Variants in BCAS4 observed in about 807,000 individuals in gnomAD.
The protein encoded by BCAS4 is breast carcinoma amplified sequence 4.
BCAS4 carries 9 observed loss-of-function variants against 15.7 expected under a neutral mutation model. The observed-to-expected ratio is 0.57, with a 90% CI of 0.34 to 1.00. The LOEUF (loss-of-function observed/expected upper bound fraction) is 1.00. Ranked by LOEUF, BCAS4 falls within the 50% of genes least tolerant of loss-of-function variation. The pLI, the probability that BCAS4 is intolerant of heterozygous loss-of-function variation, is 0.02. For synonymous variants in BCAS4, 101 were observed against 99.5 expected (o/e 1.02, Z -0.09); for missense variants, 225 against 239.1 (o/e 0.94, Z 0.39).
At chr20:50,839,995 A>G (rs2088456814) in intron 3 of BCAS4, among the ~76,000 whole-genome samples, 1 of 152,036 alleles carries the variant, frequency 6.6e-6, no homozygotes, top group South Asian at 2.1e-4. Context: ...CTGCCCCAGC[A>G]TCCTGAGTAG....
intron 3 of BCAS4, chr20:50,840,528 A>T: frequency 2.1e-6 from 3 of 1,423,310 alleles, no homozygotes; most frequent in Non-Finnish European, 3.0e-6. Context: ...ACCTCTTTGC[A>T]TCTTACAGAG....
intron 4 of BCAS4, among the ~76,000 whole-genome samples, chr20:50,866,418 G>C (rs1417099416): frequency 4.6e-5 from 7 of 152,232 alleles, no homozygotes; most frequent in Non-Finnish European, 8.8e-5. Flanking sequence ...AAACCAGACA[G>C]CGCATGTCGT....
At chr20:50,843,202 C>T (rs1398399801) in intron 4 of BCAS4, among the ~76,000 whole-genome samples, 1 of 152,162 alleles carries the variant, frequency 6.6e-6, no homozygotes, top group Admixed American at 6.6e-5. Context: ...AGCGATCCTC[C>T]TGCCTTGACT....
At chr20:50,871,356 C>T (rs567637869) in intron 4 of BCAS4, among the ~76,000 whole-genome samples, 14 of 152,310 alleles carry the variant, frequency 9.2e-5, no homozygotes, top group African/African-American at 3.4e-4. Flanking sequence ...AGGGGGTCTG[C>T]CTCTGGGAAA....
intron 4 of BCAS4, among the ~76,000 whole-genome samples, chr20:50,846,275 T>C (rs983856385): frequency 6.6e-6 from 1 of 152,206 alleles, no homozygotes; most frequent in African/African-American, 2.4e-5. Context: ...TCTTTTATTG[T>C]AGCTAAGCCC....
chr20:50,852,871 G>A (rs1397410035), intron 4 of BCAS4, among the ~76,000 whole-genome samples: 1 of 152,142 alleles, frequency 6.6e-6, no homozygotes, highest in Non-Finnish European at 1.5e-5. Context: ...TCGTGGGTGG[G>A]TACCCACCTC....
intron 3 of BCAS4, among the ~76,000 whole-genome samples, chr20:50,839,905 G>A (rs1245668934): frequency 6.6e-6 from 1 of 152,230 alleles, no homozygotes; most frequent in Non-Finnish European, 1.5e-5. Context: ...TAACTGTTGA[G>A]AGGTAGAATT....
intron 4 of BCAS4, among the ~76,000 whole-genome samples, chr20:50,872,012 C>T (rs758965636): frequency 2.0e-5 from 3 of 152,082 alleles, no homozygotes; most frequent in Non-Finnish European, 4.4e-5. Context: ...GTAATCCCAA[C>T]ACTTTGGGAG....
Position 50,876,579 on chromosome 20 carries a change from C to T in BCAS4, c.493C>T (p.His165Tyr), listed in dbSNP as rs769088045. The change falls in exon 5 of 5, where the codon CAC becomes TAC. Residue 165 changes from histidine (H) to tyrosine (Y), a missense_variant. Coordinates refer to ENST00000371608, the MANE Select transcript of BCAS4 (RefSeq NM_198799.4). Reference protein sequence around the residue: ...FPVDAGEAQHHPRTCPRPL With the variant: ...FPVDAGEAQHYPRTCPRPL ...TGTGGACGCCGGGGAAGCACAGCAC[C>T]ACCCCCGCACCTGCCCTCGGCCTTT... is the stretch of plus-strand genomic sequence containing the variant. 1 of 1,614,040 alleles carries T rather than the reference C, an allele frequency of 6.2e-7. No homozygotes were observed. Among genetic ancestry groups the T allele is most frequent in the East Asian group, 2.2e-5 (1 of 44,896 alleles).
In BCAS4 at chr20:50,868,932, G is replaced by A. The variant is rs117401287; in HGVS notation, c.400-7554G>A. On this transcript the variant is annotated intron_variant, in intron 4 of 4. Coordinates refer to ENST00000371608, the MANE Select transcript of BCAS4 (RefSeq NM_198799.4). ...AGGTGGCCCGTTGAGCTGACAGGGC[G>A]TCTCAAGGAAGTAGTCAGGGACCCA... is the stretch of plus-strand genomic sequence containing the variant. Among the ~76,000 whole-genome samples the A allele has an allele frequency of 1.8e-3, 279 of 152,312 alleles. 3 individuals are homozygous for A. The East Asian group carries it at 0.024, about 13-fold the overall frequency.
chr20:50,876,580 A>AC lies in BCAS4; in HGVS notation c.499dup (p.Arg167ProfsTer45). The stretch of plus-strand genomic sequence containing the variant: ...GTGGACGCCGGGGAAGCACAGCACC[A>AC]CCCCCGCACCTGCCCTCGGCCTTTG... On this transcript the variant is annotated frameshift_variant, in exon 5 of 5. Transcript: ENST00000371608. LOFTEE classifies it low-confidence loss of function (END_TRUNC). 6.2e-7 allele frequency: 1 copy of AC among 1,613,602 alleles called. No individual in the cohort carries two copies. The highest frequency in any genetic ancestry group is 8.5e-7 in the Non-Finnish European group (1 of 1,179,910).
Position 50,798,409 on chromosome 20 carries a change from T to C in BCAS4, c.90+3236T>C, listed in dbSNP as rs184567038. Among the ~76,000 whole-genome samples the C allele has an allele frequency of 4.5e-3, 613 of 136,676 alleles. 5 individuals are homozygous for C. Among genetic ancestry groups the C allele is most frequent in the African/African-American group, 0.018 (588 of 32,992 alleles). The allele number at this position is 136,676 out of a possible 152,430, so 89.7% of individuals were successfully genotyped here. On this transcript the variant is annotated intron_variant, in intron 1 of 4. Transcript: ENST00000371608. ...TATATCTGGGCCAGGAGCAATGGCT[T>C]ACGCCTGTGGTCCCAGTACTTTGGG...
At position 50,876,603 on chromosome 20, in the gene BCAS4, T is replaced by C. The variant is rs753550516; in HGVS notation, c.517T>C (p.Leu173=). The change falls in exon 5 of 5, where the codon TTG becomes CTG. Residue 173 remains leucine, a synonymous_variant. Transcript: ENST00000371608. ...QHHPRTCPRP[L] ...CCACCCCCGCACCTGCCCTCGGCCTTTGTGAGCTTTGTGGTCTTCCCATCA... is the reference window on the plus strand; with the variant it reads ...CCACCCCCGCACCTGCCCTCGGCCTCTGTGAGCTTTGTGGTCTTCCCATCA... 2.2e-5 allele frequency: 36 copies of C among 1,613,718 alleles called. No individual in the cohort carries two copies. The highest frequency in any genetic ancestry group is 3.0e-5 in the Non-Finnish European group (35 of 1,179,776).
chr20:50,869,387 T>A (rs1391312940), intron 4 of BCAS4, among the ~76,000 whole-genome samples: 2 of 152,180 alleles, frequency 1.3e-5, no homozygotes, highest in African/African-American at 4.8e-5. Context: ...CTGGACAACC[T>A]TGGATCCCAG....
intron 4 of BCAS4, 128 bp downstream of exon 4, chr20:50,842,028 G>C (rs542842685): frequency 1.6e-5 from 19 of 1,220,772 alleles, no homozygotes; most frequent in Non-Finnish European, 1.8e-5. Context: ...GACAGGAAAC[G>C]GGTACAGGCG....
intron 1 of BCAS4, among the ~76,000 whole-genome samples, chr20:50,803,017 C>CA (rs1490682737): frequency 6.6e-6 from 1 of 152,054 alleles, no homozygotes. Context: ...CCAGTCTCTA[C>CA]AAAAAATACA....
At chr20:50,853,862 A>G (rs79245873) in intron 4 of BCAS4, among the ~76,000 whole-genome samples, 4,251 of 113,614 alleles carry the variant, frequency 0.037, 785 homozygotes, top group African/African-American at 0.077. Flanking sequence ...GATGTTTTGT[A>G]TACTCGGGGA....
At chr20:50,813,314 G>A (rs2088095038) in intron 1 of BCAS4, among the ~76,000 whole-genome samples, 1 of 152,168 alleles carries the variant, frequency 6.6e-6, no homozygotes, top group African/African-American at 2.4e-5. Context: ...ATCCCTGTGA[G>A]TGCAAAGTGG....
intron 4 of BCAS4, among the ~76,000 whole-genome samples, chr20:50,864,438 G>GTTTTTTTTTTTTTTTTTTT (rs1568684273): frequency 7.2e-6 from 1 of 138,512 alleles, no homozygotes; most frequent in Non-Finnish European, 1.5e-5. Flanking sequence ...GATCATGATT[G>GTTTTTTTTTTTTTTTTTTT]ATTTTTTTTT....
Sources: allele counts gnomAD v4.1 joint callset (sites outside exome capture counted in the v4.1 genomes callset), GRCh38; gene constraint gnomAD v4.1.1; transcripts MANE v1.5; gene names NCBI Gene and HGNC (gene_info 2026-07-23, HGNC 2026-07-21).